The following THSD7A variants were observed in gnomAD, a reference collection of about 807,000 sequenced individuals.
THSD7A encodes thrombospondin type-1 domain-containing protein 7A.
In THSD7A, 96 loss-of-function variants were observed where a neutral mutation model predicts 231.3. The ratio of observed to expected loss-of-function variants is 0.41; its 90% CI spans 0.35 to 0.49. The LOEUF is 0.49. Among genes scored for constraint, THSD7A ranks in the 20% least tolerant of loss-of-function variants. THSD7A has a pLI of 0.05. For missense variants in THSD7A, 2,290 were observed against 2,070.2 expected, an observed-to-expected ratio of 1.11 and a Z score of -2.06; for synonymous variants, 940 against 743.3, an observed-to-expected ratio of 1.26 and a Z score of -4.30.
rs759622768 is a variant in THSD7A, at chr7:11,636,704, C to G, written c.448G>C (p.Glu150Gln). ...ATCTCCCTCACCTGAATACCTTCTTCCCCCTTAATGCACTCAAGAGGTTTC... is the reference window on the plus strand; with the variant it reads ...ATCTCCCTCACCTGAATACCTTCTTGCCCCTTAATGCACTCAAGAGGTTTC... Reference protein sequence around the residue: ...LEKPLECIKGEEGIQVREIAC... With the variant: ...LEKPLECIKGQEGIQVREIAC... Residue 150 changes from glutamate to glutamine, a missense_variant, in exon 2 of 28, where the codon GAA becomes CAA. Transcript: ENST00000423059. The surrounding 1 kb of genome is among the most constrained non-coding windows in gnomAD (Gnocchi z 10.0). 3 of 1,613,872 alleles carry G rather than the reference C, an allele frequency of 1.9e-6. No individual in the cohort carries two copies. Among genetic ancestry groups the G allele is most frequent in the African/African-American group, 2.7e-5 (2 of 74,906 alleles).
intron 7 of THSD7A, among the ~76,000 whole-genome samples, chr7:11,481,405 T>A (rs1329028072): frequency 2.0e-5 from 3 of 152,100 alleles, no homozygotes; most frequent in Non-Finnish European, 4.4e-5. Context: ...TATGAGAAGG[T>A]AGAATATGAT....
At chr7:11,723,359 T>C (rs112912285) in intron 1 of THSD7A, among the ~76,000 whole-genome samples, 2 of 151,150 alleles carry the variant, frequency 1.3e-5, no homozygotes, top group African/African-American at 4.9e-5. Context: ...TAGCATTAGG[T>C]GGTATACCTA....
At chr7:11,707,845 A>C (rs1467001225) in intron 1 of THSD7A, among the ~76,000 whole-genome samples, 1 of 150,650 alleles carries the variant, frequency 6.6e-6, no homozygotes, top group Non-Finnish European at 1.5e-5. Context: ...CAAACAAACA[A>C]TTTTATTCAA....
chr7:11,543,673 T>A lies in THSD7A; in HGVS notation c.1454-556A>T, dbSNP rs868636298. ...CAGCTACAGTGCTCACTGAATTATTTCCAAAATGTCTAAATAATAACACAT... is the reference window on the plus strand; with the variant it reads ...CAGCTACAGTGCTCACTGAATTATTACCAAAATGTCTAAATAATAACACAT... On this transcript the variant is annotated intron_variant, in intron 4 of 27. Coordinates refer to ENST00000423059, the MANE Select transcript of THSD7A (RefSeq NM_015204.3). Among the ~76,000 whole-genome samples, 5 of 152,298 alleles carry A rather than the reference T, an allele frequency of 3.3e-5. No individual in the cohort carries two copies. The South Asian group carries it at 6.2e-4, about 19-fold the overall frequency.
At chr7:11,820,712 C>T (rs1784850198) in intron 1 of THSD7A, 1 of 983,212 alleles carries the variant, frequency 1.0e-6, no homozygotes, top group Non-Finnish European at 1.6e-6. Flanking sequence ...GCCCGTGGAG[C>T]TCTCCTCTCT....
chr7:11,585,788 C>G (rs868814428), intron 4 of THSD7A, among the ~76,000 whole-genome samples: 2 of 152,112 alleles, frequency 1.3e-5, no homozygotes, highest in Admixed American at 6.6e-5. Context: ...CACACTCACT[C>G]AGACAGGGAC....
chr7:11,439,631 C>T (rs887630905), intron 13 of THSD7A, among the ~76,000 whole-genome samples: 2 of 151,954 alleles, frequency 1.3e-5, no homozygotes, highest in Non-Finnish European at 2.9e-5. Context: ...AAAGTTTTAG[C>T]GGTCTAGAAA....
intron 4 of THSD7A, among the ~76,000 whole-genome samples, chr7:11,585,058 C>T (rs1199108709): frequency 6.6e-6 from 1 of 152,176 alleles, no homozygotes; most frequent in East Asian, 1.9e-4. Context: ...GTACAAAGCA[C>T]AGTACTCATG....
At chr7:11,616,671 T>A (rs528443529) in intron 2 of THSD7A, among the ~76,000 whole-genome samples, 1 of 152,170 alleles carries the variant, frequency 6.6e-6, no homozygotes, top group African/African-American at 2.4e-5. Flanking sequence ...TGTTCTCACG[T>A]TGCCCAGCCC....
At chr7:11,693,738 G>C (rs979184895) in intron 1 of THSD7A, among the ~76,000 whole-genome samples, 1 of 151,486 alleles carries the variant, frequency 6.6e-6, no homozygotes, top group Non-Finnish European at 1.5e-5. Context: ...TGGAACAAAT[G>C]AGAAAATATT....
chr7:11,455,826 T>C (rs558118780), intron 11 of THSD7A, among the ~76,000 whole-genome samples: 1 of 152,166 alleles, frequency 6.6e-6, no homozygotes, highest in African/African-American at 2.4e-5. Context: ...GTAAACAGTT[T>C]ACAATTTTTA....
intron 1 of THSD7A, chr7:11,820,473 T>C (rs925796953): frequency 1.3e-5 from 15 of 1,133,172 alleles, no homozygotes; most frequent in Middle Eastern, 4.9e-4. Context: ...GACCCGGAGG[T>C]CATCATGCAA....
chr7:11,528,970 C>T (rs1253607655), intron 6 of THSD7A, among the ~76,000 whole-genome samples: 1 of 152,108 alleles, frequency 6.6e-6, no homozygotes, highest in East Asian at 1.9e-4. Context: ...CAGCAATATT[C>T]CCTGATCATA....
intron 1 of THSD7A, chr7:11,821,234 G>T: frequency 8.5e-7 from 1 of 1,176,360 alleles, no homozygotes; most frequent in Non-Finnish European, 1.3e-6. Flanking sequence ...TGGGCTAACA[G>T]TTCTGAGGGT....
chr7:11,389,210 T>A (rs769189548), intron 23 of THSD7A, among the ~76,000 whole-genome samples: 4 of 152,124 alleles, frequency 2.6e-5, no homozygotes, highest in Non-Finnish European at 5.9e-5. Flanking sequence ...CAGTGGTGTG[T>A]TAAATTGTGT....
chr7:11,808,468 T>C (rs966596090), intron 1 of THSD7A, among the ~76,000 whole-genome samples: 2 of 152,164 alleles, frequency 1.3e-5, no homozygotes, highest in African/African-American at 4.8e-5. Flanking sequence ...AGAAATAAAT[T>C]GTCTGTTCTT....
intron 6 of THSD7A, among the ~76,000 whole-genome samples, chr7:11,506,888 C>T (rs1583868837): frequency 2.6e-5 from 4 of 152,186 alleles, no homozygotes; most frequent in Admixed American, 2.6e-4. Context: ...TGTTTTTTTC[C>T]CCAATACTTT....
chr7:11,404,445 A>AAAAGT (rs1291972108), intron 22 of THSD7A, among the ~76,000 whole-genome samples: 3 of 152,192 alleles, frequency 2.0e-5, no homozygotes, highest in African/African-American at 7.2e-5. Flanking sequence ...TTGGTTTTGG[A>AAAAGT]AAAGTAGGCC....
rs981333582 is a variant in THSD7A, at chr7:11,794,687, C to T, written c.190+37070G>A. 8.6e-5 allele frequency among the ~76,000 whole-genome samples: 13 copies of T among 152,024 alleles called. 2 individuals carry two copies. Among genetic ancestry groups the T allele is most frequent in the Middle Eastern group, 3.4e-3 (1 of 294 alleles). ...AGACCTAAGAATCAATAATGAGGGG[C>T]TCATCTTCATAAAGTCACTTGAAAA... On this transcript the variant is annotated intron_variant, in intron 1 of 27. Transcript: ENST00000423059.
Sources: allele counts gnomAD v4.1 joint callset (sites outside exome capture counted in the v4.1 genomes callset), GRCh38; gene constraint gnomAD v4.1.1; non-coding constraint Gnocchi (gnomAD v3.1); transcripts MANE v1.5; gene names NCBI Gene and HGNC (gene_info 2026-07-23, HGNC 2026-07-21).